Variants in EPHA1 observed in about 807,000 individuals in gnomAD.
EPHA1 encodes the protein ephrin type-A receptor 1.
Under a neutral mutation model 110.1 loss-of-function variants are expected in EPHA1, and 92 were observed. The ratio of observed to expected loss-of-function variants is 0.84; its 90% CI spans 0.71 to 0.99. EPHA1 has a LOEUF of 0.99. Ranked by LOEUF, EPHA1 falls within the 50% of genes least tolerant of loss-of-function variation. EPHA1 has a pLI of 0.00. For missense variants in EPHA1, 1,204 were observed against 1,285.4 expected, an observed-to-expected ratio of 0.94 and a Z score of 0.97; for synonymous variants, 500 against 516.1, an observed-to-expected ratio of 0.97 and a Z score of 0.42.
intron 10 of EPHA1, 69 bp from the exon 11 acceptor site, chr7:143,396,579 G>A: frequency 6.4e-7 from 1 of 1,568,938 alleles, no homozygotes; most frequent in Admixed American, 1.7e-5. Flanking sequence ...CAGGAGAAGG[G>A]CCAGCAGCGG....
At chr7:143,397,031 G>A (rs979118362) in intron 10 of EPHA1, among the ~76,000 whole-genome samples, 4 of 152,108 alleles carry the variant, frequency 2.6e-5, no homozygotes, top group Non-Finnish European at 5.9e-5. Flanking sequence ...AGAGCCCAGG[G>A]TGACAAGACA....
rs541962608 is a variant in EPHA1 at position 143,391,324 on chromosome 7, T to C, written c.*133A>G. 4.6e-6 allele frequency: 5 copies of C among 1,090,376 alleles called. No individual in the cohort carries two copies. In the East Asian group the frequency reaches 1.3e-4, roughly 28 times the overall value. 67.5% of individuals were successfully genotyped at this position (1,090,376 alleles called of 1,614,324 possible). A position where few individuals can be genotyped will look rare whatever the true frequency, so the allele number is the denominator to read the frequency against. ...TCTGGGGTGCAGAGCAGGGTTCTCC[T>C]GAAAGTGGGCAGAAGCAGCACCGAT... On this transcript the variant is annotated 3_prime_UTR_variant, in exon 18 of 18. Transcript: ENST00000275815.
chr7:143,396,950 G>A (rs574745334), intron 10 of EPHA1, among the ~76,000 whole-genome samples: 5 of 152,212 alleles, frequency 3.3e-5, no homozygotes, highest in South Asian at 2.1e-4. Context: ...CATAAGCCTC[G>A]GAGGACGTCA....
At chr7:143,400,632 A>C (rs917220142) in intron 3 of EPHA1, among the ~76,000 whole-genome samples, 1 of 152,146 alleles carries the variant, frequency 6.6e-6, no homozygotes, top group Non-Finnish European at 1.5e-5. Flanking sequence ...CAGTGATACT[A>C]TGGGAGTGGG....
intron 7 of EPHA1, 94 bp downstream of exon 7, chr7:143,398,227 C>T (rs929071615): frequency 3.9e-5 from 62 of 1,586,948 alleles, no homozygotes; most frequent in South Asian, 1.7e-4. Flanking sequence ...CAGTGGACTT[C>T]GGGTGGATTC....
intron 10 of EPHA1, 62 bp downstream of exon 10, chr7:143,397,242 C>T (rs1317340769): frequency 5.3e-6 from 8 of 1,502,974 alleles, no homozygotes; most frequent in Non-Finnish European, 7.2e-6. Flanking sequence ...CCAACACACA[C>T]ACACACGCAC....
intron 5 of EPHA1, 49 bp downstream of exon 5, chr7:143,399,209 A>C (rs1390705390): frequency 8.9e-6 from 14 of 1,579,860 alleles, no homozygotes; most frequent in Non-Finnish European, 1.1e-5. Context: ...GTCTCAGCAA[A>C]GATCCAGCCC....
chr7:143,395,398 C>T lies in EPHA1; in HGVS notation c.2004G>A (p.Trp668Ter). ...LKDTSPGGQW[W>*]NFLREATIMG... Reference sequence around the variant, plus strand: ...TGATAGTTGCCTCTCGAAGGAAGTTCCACCACTGGCCACCTGGGGATGTGT... The same window carrying T: ...TGATAGTTGCCTCTCGAAGGAAGTTTCACCACTGGCCACCTGGGGATGTGT... Residue 668 changes from tryptophan (W) to a stop codon, truncating the protein, a stop_gained, in exon 12 of 18, where the codon TGG (tryptophan) becomes TGA (stop). Coordinates refer to ENST00000275815, the MANE Select transcript of EPHA1 (RefSeq NM_005232.5). LOFTEE classifies it high-confidence loss of function. This position sits in a 1 kb window ranked among gnomAD's most constrained non-coding sequence, Gnocchi z 4.7. 6.2e-7 allele frequency: 1 copy of T among 1,614,218 alleles called. No individual in the cohort carries two copies. Among genetic ancestry groups the T allele is most frequent in the Non-Finnish European group, 8.5e-7 (1 of 1,180,050 alleles).
Position 143,391,642 on chromosome 7 carries a change from A to T in EPHA1, c.2830T>A (p.Cys944Ser). Residue 944 changes from cysteine (C) to serine (S), a missense_variant, in exon 17 of 18, where the codon TGT becomes AGT. Physicochemically the swap from Cys to Ser is moderately radical, Grantham distance 112. Transcript: ENST00000275815. Reference protein sequence around the residue: ...FHSAGLDTMECVLELTAEDLT... With the variant: ...FHSAGLDTMESVLELTAEDLT... ...TACTCAGCGGTCAGCTCCAGCACACACTCCATGGTGTCCAGCCCAGCCGAG... is the reference window on the plus strand; with the variant it reads ...TACTCAGCGGTCAGCTCCAGCACACTCTCCATGGTGTCCAGCCCAGCCGAG... 6.2e-7 allele frequency: 1 copy of T among 1,613,730 alleles called. No homozygotes were observed. Among genetic ancestry groups the T allele is most frequent in the Non-Finnish European group, 8.5e-7 (1 of 1,179,916 alleles).
At chr7:143,399,469 C>A (rs1273547742) in intron 4 of EPHA1, 56 bp from the exon 5 acceptor site, 9 of 1,544,252 alleles carry the variant, frequency 5.8e-6, no homozygotes, top group African/African-American at 1.4e-5. Context: ...CAGGCAGAAC[C>A]ACCACCACCC....
intron 11 of EPHA1, among the ~76,000 whole-genome samples, chr7:143,396,166 A>G (rs1261304664): frequency 1.3e-5 from 2 of 152,206 alleles, no homozygotes; most frequent in East Asian, 1.9e-4. Context: ...AGTGTGTAGG[A>G]GACAGGGGTT....
chr7:143,407,010 G>C (rs1204898929), intron 2 of EPHA1, among the ~76,000 whole-genome samples: 1 of 152,294 alleles, frequency 6.6e-6, no homozygotes, highest in Non-Finnish European at 1.5e-5. Context: ...GTCAGCCTGA[G>C]GAGGTGTGGA....
chr7:143,391,340 C>CAG lies in EPHA1; in HGVS notation c.*115_*116dup, dbSNP rs1003892264. The CAG allele has an allele frequency of 2.4e-6, 3 of 1,248,954 alleles. No homozygotes were observed. In the African/African-American group the frequency reaches 4.5e-5, roughly 19 times the overall value. 77.4% of individuals were successfully genotyped at this position (1,248,954 alleles called of 1,614,324 possible). ...GGGTTCTCCTGAAAGTGGGCAGAAG[C>CAG]AGCACCGATAGCCTAGTCTGGCAGG... On this transcript the variant is annotated 3_prime_UTR_variant, in exon 18 of 18. Transcript: ENST00000275815.
At chr7:143,394,089 C>T (rs1805169656) in intron 15 of EPHA1, 105 bp downstream of exon 15, 4 of 1,455,548 alleles carry the variant, frequency 2.7e-6, no homozygotes, top group Non-Finnish European at 3.7e-6. Flanking sequence ...AACTGAAGGT[C>T]ATGAATAAAT....
chr7:143,408,509 G>T (rs117926980), intron 1 of EPHA1, among the ~76,000 whole-genome samples: 2 of 152,026 alleles, frequency 1.3e-5, no homozygotes, highest in Non-Finnish European at 1.5e-5. Context: ...CTGCGGGAGT[G>T]GGGGTGACTG....
In EPHA1 at chr7:143,397,362, C is replaced by T; in HGVS notation, c.1713G>A (p.Arg571=). Residue 571 remains arginine (R), a splice_region_variant and synonymous_variant, in exon 10 of 18, where the codon AGG becomes AGA. Coordinates refer to ENST00000275815, the MANE Select transcript of EPHA1 (RefSeq NM_005232.5). ...TCTGCTGCCTCTGCCGCTGGGCTCT[C>T]CTGTGGGGGTTGGGGACCAGCTCCT... The part of the protein sequence containing the change: ...LLLGILVFRS[R]RAQRQRQQRQ... The T allele has an allele frequency of 6.5e-7, 1 of 1,549,758 alleles. No individual in the cohort carries two copies. Among genetic ancestry groups the T allele is most frequent in the Non-Finnish European group, 8.7e-7 (1 of 1,146,736 alleles).
intron 14 of EPHA1, among the ~76,000 whole-genome samples, chr7:143,394,565 C>T (rs981116777): frequency 9.3e-4 from 142 of 152,206 alleles, no homozygotes; most frequent in African/African-American, 3.2e-3. Context: ...GGACTACAGG[C>T]GCCTGCCACC....
intron 5 of EPHA1, 32 bp from the exon 6 acceptor site, chr7:143,398,977 C>T (rs368816779): frequency 1.7e-4 from 258 of 1,534,850 alleles, no homozygotes; most frequent in East Asian, 4.5e-4. Context: ...CAGTAGAAGC[C>T]GACCTCGCTG....
chr7:143,394,992 G>A lies in EPHA1; in HGVS notation c.2168C>T (p.Pro723Leu). 3 of 1,614,026 alleles carry A rather than the reference G, an allele frequency of 1.9e-6. No homozygotes were observed. In the South Asian group the frequency reaches 3.3e-5, roughly 18 times the overall value. The change falls in exon 14 of 18, where the codon CCT (proline) becomes CTT (leucine). Residue 723 changes from proline (P) to leucine (L), a missense_variant. By Grantham distance (98) the Pro-to-Leu change is moderately conservative (BLOSUM62 -3). Transcript: ENST00000275815. ...FLREREDQLVPGQLVAMLQGI... is the reference protein window; with the variant it reads ...FLREREDQLVLGQLVAMLQGI... ...CTGCAGCATGGCCACTAGCTGCCCA[G>A]GGACCAGCTGGTCCTCCCGCTCCTG...
Sources: allele counts gnomAD v4.1 joint callset (sites outside exome capture counted in the v4.1 genomes callset), GRCh38; gene constraint gnomAD v4.1.1; non-coding constraint Gnocchi (gnomAD v3.1); transcripts MANE v1.5; gene names NCBI Gene and HGNC (gene_info 2026-07-23, HGNC 2026-07-21).